Variants in CFAP44 observed in about 807,000 individuals in gnomAD.
CFAP44 encodes cilia- and flagella-associated protein 44.
In CFAP44, 134 loss-of-function variants were observed where a neutral mutation model predicts 216.2. The observed-to-expected ratio is 0.62, with a 90% CI of 0.54 to 0.72. The LOEUF is 0.72. CFAP44 is among the 30% of genes least tolerant of loss of function. CFAP44 has a pLI of 0.00. For synonymous variants in CFAP44, 700 were observed against 727.6 expected (o/e 0.96, Z 0.61); for missense variants, 2,035 against 2,182.1 (o/e 0.93, Z 1.34).
chr3:113,324,698 A>G (rs1164001693), intron 28 of CFAP44, among the ~76,000 whole-genome samples: 1 of 152,252 alleles, frequency 6.6e-6, no homozygotes, highest in East Asian at 1.9e-4. Context: ...CAGCACTCAC[A>G]TAGTACTGGA....
chr3:113,360,395 C>G (rs1950528084), intron 21 of CFAP44: 2 of 228,828 alleles, frequency 8.7e-6, no homozygotes, highest in Admixed American at 8.2e-5. Context: ...TGAGTGGTGT[C>G]TATTGGGGTT....
chr3:113,301,010 T>G (rs1949929397), intron 32 of CFAP44, among the ~76,000 whole-genome samples: 1 of 152,144 alleles, frequency 6.6e-6, no homozygotes, highest in South Asian at 2.1e-4. Flanking sequence ...ATGAAACCCT[T>G]ATATTTTTAG....
chr3:113,333,080 G>A (rs1296447216), intron 25 of CFAP44, among the ~76,000 whole-genome samples: 1 of 152,060 alleles, frequency 6.6e-6, no homozygotes, highest in Admixed American at 6.5e-5. Flanking sequence ...GTCAAACTCC[G>A]ACCTAGATTA....
In CFAP44 at chr3:113,308,189, A is replaced by G. The variant is rs893535122; in HGVS notation, c.4596T>C (p.Asp1532=). The change falls in exon 29 of 35, where the codon GAT becomes GAC. Residue 1532 remains aspartate (D), a synonymous_variant. Transcript: ENST00000393845. ...GGCAAATAGAATCATCAAAAACCTC[A>G]TCTTCTGATTCAGACTCATCTTCAT... ...ESDEDESESE[D]EVFDDSICPT... is the part of the protein sequence containing the mutation. The G allele has an allele frequency of 7.2e-6, 11 of 1,535,702 alleles. No individual in the cohort carries two copies. The Admixed American group carries it at 9.9e-5, about 14-fold the overall frequency.
At chr3:113,433,360 C>T (rs764300887) in intron 2 of CFAP44, among the ~76,000 whole-genome samples, 44 of 130,750 alleles carry the variant, frequency 3.4e-4, no homozygotes, top group Non-Finnish European at 4.9e-4. Flanking sequence ...ACCCAGAAGA[C>T]GGAGGTTATA....
In CFAP44 at chr3:113,393,520, C is replaced by G. The variant is rs116455142; in HGVS notation, c.1890+2230G>C. Among the ~76,000 whole-genome samples, 1,348 of 152,156 alleles carry G rather than the reference C, an allele frequency of 8.9e-3. 18 individuals carry two copies. The highest frequency in any genetic ancestry group is 0.03 in the African/African-American group (1,258 of 41,506). ...TTAAAAAGAGCCTGGCACCTCCCCA[C>G]TCCCTCTTTTGTTTGTTTGTTTGTG... is the stretch of plus-strand genomic sequence containing the variant. On this transcript the variant is annotated intron_variant, in intron 15 of 34. Transcript: ENST00000393845.
At chr3:113,419,079 A>G (rs1291981529) in intron 5 of CFAP44, among the ~76,000 whole-genome samples, 1 of 152,200 alleles carries the variant, frequency 6.6e-6, no homozygotes, top group Admixed American at 6.5e-5. Flanking sequence ...AAAATATTAA[A>G]ATAGAAATTT....
intron 28 of CFAP44, among the ~76,000 whole-genome samples, chr3:113,312,639 G>A (rs1482143684): frequency 6.6e-6 from 1 of 152,152 alleles, no homozygotes; most frequent in Non-Finnish European, 1.5e-5. Flanking sequence ...TGGAGGCCTA[G>A]AAGAAAATGG....
chr3:113,344,682 A>G lies in CFAP44; in HGVS notation c.3096T>C (p.Ile1032=). Residue 1032 remains isoleucine (I), a synonymous_variant, in exon 23 of 35, where the codon ATT becomes ATC. Transcript: ENST00000393845. ...GGTCACTCAGTATGGCATGAACCAC[A>G]ATAGTATCACTTTCCAGTGGATCTC... ...RFRDPLESDT[I]VVHAILSDHK... 1 of 1,520,328 alleles carries G rather than the reference A, an allele frequency of 6.6e-7. No homozygotes were observed. Among genetic ancestry groups the G allele is most frequent in the Non-Finnish European group, 8.8e-7 (1 of 1,141,622 alleles). 94.2% of individuals were successfully genotyped at this position (1,520,328 alleles called of 1,614,324 possible).
chr3:113,425,684 C>T (rs985106504), intron 4 of CFAP44, among the ~76,000 whole-genome samples: 2 of 152,222 alleles, frequency 1.3e-5, no homozygotes, highest in East Asian at 3.8e-4. Context: ...ATTTCCTTCA[C>T]TCAGATCTCA....
intron 18 of CFAP44, among the ~76,000 whole-genome samples, chr3:113,368,956 C>A (rs1933053218): frequency 6.6e-6 from 1 of 152,128 alleles, no homozygotes; most frequent in African/African-American, 2.4e-5. Flanking sequence ...TCTGATAAAA[C>A]AGACTTTAAC....
chr3:113,425,748 G>A (rs1173380632), intron 4 of CFAP44, among the ~76,000 whole-genome samples: 2 of 152,162 alleles, frequency 1.3e-5, no homozygotes, highest in Non-Finnish European at 2.9e-5. Flanking sequence ...ATATTTCTCT[G>A]TATGGTTATT....
rs552862616 is a variant in CFAP44 at position 113,425,977 on chromosome 3, G to A, written c.407+147C>T. The A allele has an allele frequency of 3.3e-6, 3 of 904,022 alleles. No homozygotes were observed. The East Asian group carries it at 7.5e-5, about 23-fold the overall frequency. The allele number at this position is 904,022 out of a possible 1,614,324, so 56.0% of individuals were successfully genotyped here. On this transcript the variant is annotated intron_variant, in intron 4 of 34. Transcript: ENST00000393845. ...GGCAGCCATAATAAACAAAATGTAA[G>A]CAAATGGATGTGGCTGTGTTGCAAT... is the stretch of plus-strand genomic sequence containing the variant.
chr3:113,427,135 G>A lies in CFAP44; in HGVS notation c.253+52C>T. 6 of 1,558,130 alleles carry A rather than the reference G, an allele frequency of 3.9e-6. No homozygotes were observed. The Admixed American group carries it at 1.1e-4, about 29-fold the overall frequency. On this transcript the variant is annotated intron_variant, in intron 3 of 34. Coordinates refer to ENST00000393845, the MANE Select transcript of CFAP44 (RefSeq NM_001164496.2). ...ATTTATAACTCTTCCATTTGTCTGG[G>A]CTTTGTCTCTAAAACAGTGACAATT...
At chr3:113,345,774 C>T (rs575163747) in intron 22 of CFAP44, among the ~76,000 whole-genome samples, 1 of 152,180 alleles carries the variant, frequency 6.6e-6, no homozygotes, top group African/African-American at 2.4e-5. Flanking sequence ...CAAACAAGCA[C>T]TTCTTAGAAT....
chr3:113,353,498 A>AC (rs59723453), intron 22 of CFAP44, among the ~76,000 whole-genome samples: 3 of 145,336 alleles, frequency 2.1e-5, no homozygotes, highest in South Asian at 2.2e-4. Context: ...ACACACACAC[A>AC]AAACTTATAT....
chr3:113,342,906 C>T (rs1950346643), intron 23 of CFAP44, among the ~76,000 whole-genome samples: 1 of 151,592 alleles, frequency 6.6e-6, no homozygotes, highest in Admixed American at 6.6e-5. Context: ...ATTGCTTGAA[C>T]CTGAGAGGTG....
intron 13 of CFAP44, among the ~76,000 whole-genome samples, chr3:113,398,690 T>C (rs982613286): frequency 6.6e-6 from 1 of 152,228 alleles, no homozygotes; most frequent in Non-Finnish European, 1.5e-5. Context: ...CTTTCTGATC[T>C]TGATCCCATC....
At position 113,403,846 on chromosome 3, in the gene CFAP44, A is replaced by G; in HGVS notation, c.1170+6T>C. ...GTGCTACCATCCAAGTATCGAGAAA[A>G]CTTACCCTAACATATCCATCTGACC... On this transcript the variant is annotated splice_donor_region_variant and intron_variant, in intron 9 of 34. Transcript: ENST00000393845. The G allele has an allele frequency of 3.7e-6, 6 of 1,610,718 alleles. No homozygotes were observed. Among genetic ancestry groups the G allele is most frequent in the Non-Finnish European group, 5.1e-6 (6 of 1,178,042 alleles).
Sources: gnomAD v4.1 joint callset for allele counts (sites outside exome capture counted in the v4.1 genomes callset) on GRCh38, gnomAD v4.1.1 for gene constraint, MANE v1.5 for transcripts, NCBI Gene and HGNC (gene_info 2026-07-23, HGNC 2026-07-21) for gene names.